Variants in KLF12 observed in about 807,000 individuals in gnomAD.
The protein encoded by KLF12 is KLF transcription factor 12, also known as Krueppel-like factor 12.
Under a neutral mutation model 37.8 loss-of-function variants are expected in KLF12, and 9 were observed. That is an observed-to-expected ratio of 0.24 (90% CI 0.14 to 0.42). KLF12 has a LOEUF of 0.42. Among genes scored for constraint, KLF12 ranks in the 10% least tolerant of loss-of-function variants. KLF12 has a pLI of 1.00. For missense variants in KLF12, 411 were observed against 516.0 expected, an observed-to-expected ratio of 0.80 and a Z score of 1.97; for synonymous variants, 208 against 202.1, an observed-to-expected ratio of 1.03 and a Z score of -0.25.
At chr13:73,726,838 A>G (rs1206343371) in intron 6 of KLF12, among the ~76,000 whole-genome samples, 1 of 152,252 alleles carries the variant, frequency 6.6e-6, no homozygotes, top group South Asian at 2.1e-4. Context: ...CGATAATTCT[A>G]TGCTTAGCAT....
At chr13:73,764,807 A>C (rs145298184) in intron 6 of KLF12, 131 bp downstream of exon 6, 79 of 560,302 alleles carry the variant, frequency 1.4e-4, no homozygotes, top group African/African-American at 1.1e-3. Flanking sequence ...GAGGAAAGGA[A>C]GACCGCATAG....
intron 7 of KLF12, among the ~76,000 whole-genome samples, chr13:73,699,796 A>G (rs1454048487): frequency 6.6e-6 from 1 of 152,208 alleles, no homozygotes; most frequent in African/African-American, 2.4e-5. Flanking sequence ...CAGGGAAAAC[A>G]GCACCTGGTA....
the KLF12 span, among the ~76,000 whole-genome samples, chr13:74,188,197 A>G: frequency 6.6e-6 from 1 of 152,196 alleles, no homozygotes; most frequent in African/African-American, 2.4e-5. Flanking sequence ...TGTACTATTA[A>G]GTATCCGAAT....
intron 3 of KLF12, among the ~76,000 whole-genome samples, chr13:73,905,975 C>T (rs1888268079): frequency 1.3e-5 from 2 of 152,064 alleles, no homozygotes; most frequent in African/African-American, 4.8e-5. Context: ...GATTTCTTTT[C>T]CTTAATATCA....
intron 3 of KLF12, among the ~76,000 whole-genome samples, chr13:73,917,556 T>C (rs916314379): frequency 4.6e-5 from 7 of 152,260 alleles, no homozygotes; most frequent in Admixed American, 1.3e-4. Flanking sequence ...CAAGTTGGAC[T>C]CTACCATTTA....
At chr13:74,045,942 T>C (rs1161054743) in intron 1 of KLF12, among the ~76,000 whole-genome samples, 2 of 152,238 alleles carry the variant, frequency 1.3e-5, no homozygotes, top group African/African-American at 4.8e-5. Flanking sequence ...CTTTCTGAAA[T>C]GTATGTATAG....
At chr13:73,836,084 C>T (rs1594149747) in intron 4 of KLF12, among the ~76,000 whole-genome samples, 2 of 151,328 alleles carry the variant, frequency 1.3e-5, no homozygotes, top group South Asian at 4.2e-4. Context: ...AAAACACATA[C>T]AATTGGCCAA....
intron 5 of KLF12, among the ~76,000 whole-genome samples, chr13:73,805,650 GAGGAAGGAAGGAAGGA>G (rs1164051826): frequency 0.033 from 1,216 of 36,922 alleles, 67 homozygotes; most frequent in Non-Finnish European, 0.038. Flanking sequence ...GGGAGGGAGG[GAGGAAGGAAGGAAGGA>G]AGGAAGGAAG....
intron 1 of KLF12, among the ~76,000 whole-genome samples, chr13:74,049,006 G>C (rs945821122): frequency 6.6e-6 from 1 of 152,156 alleles, no homozygotes; most frequent in African/African-American, 2.4e-5. Context: ...AGCTCCCTAC[G>C]ACCAGAAATG....
chr13:73,970,989 C>T (rs1388229938), intron 2 of KLF12, among the ~76,000 whole-genome samples: 2 of 152,050 alleles, frequency 1.3e-5, no homozygotes, highest in African/African-American at 4.8e-5. Flanking sequence ...TGAGAGAAGG[C>T]ATCTTTGAAA....
intron 3 of KLF12, among the ~76,000 whole-genome samples, chr13:73,909,746 T>C (rs1888482546): frequency 6.6e-6 from 1 of 152,196 alleles, no homozygotes; most frequent in African/African-American, 2.4e-5. Flanking sequence ...AAAATTTTTA[T>C]AGGCGCATTT....
intron 2 of KLF12, among the ~76,000 whole-genome samples, chr13:73,958,674 T>C (rs1570744): frequency 0.73 from 111,136 of 152,042 alleles, 41,336 homozygotes; most frequent in East Asian, 0.89. Flanking sequence ...CTGTTCTACA[T>C]TATCATGTCA....
chr13:74,252,720 A>G, the KLF12 span, among the ~76,000 whole-genome samples: 1 of 152,188 alleles, frequency 6.6e-6, no homozygotes, highest in African/African-American at 2.4e-5. Flanking sequence ...TGAAATAGAA[A>G]TATTTAAAGA....
intron 1 of KLF12, among the ~76,000 whole-genome samples, chr13:74,054,441 C>T (rs1287166366): frequency 6.6e-6 from 1 of 152,096 alleles, no homozygotes; most frequent in Non-Finnish European, 1.5e-5. Flanking sequence ...TATCAATTCC[C>T]TTGTAGAGGA....
At chr13:73,743,199 C>G (rs1269855569) in intron 6 of KLF12, among the ~76,000 whole-genome samples, 1 of 152,174 alleles carries the variant, frequency 6.6e-6, no homozygotes, top group Admixed American at 6.5e-5. Flanking sequence ...ACGGTAGATC[C>G]TCTTTCCTCA....
chr13:73,826,127 C>T (rs1415159532), intron 4 of KLF12, among the ~76,000 whole-genome samples: 1 of 152,094 alleles, frequency 6.6e-6, no homozygotes, highest in Non-Finnish European at 1.5e-5. Flanking sequence ...CGCCCGCCAC[C>T]ACGCCTGGCT....
At chr13:73,926,776 T>C (rs1350907075) in intron 3 of KLF12, among the ~76,000 whole-genome samples, 1 of 152,172 alleles carries the variant, frequency 6.6e-6, no homozygotes, top group Non-Finnish European at 1.5e-5. Context: ...TCTGCGTGAA[T>C]TACTCAAGTA....
chr13:74,082,137 G>A (rs1874934250), intron 1 of KLF12, among the ~76,000 whole-genome samples: 1 of 134,944 alleles, frequency 7.4e-6, no homozygotes, highest in Non-Finnish European at 1.5e-5. Flanking sequence ...AGACAAAACT[G>A]GGCAACATAG....
chr13:74,206,364 C>A, the KLF12 span, among the ~76,000 whole-genome samples: 1 of 152,156 alleles, frequency 6.6e-6, no homozygotes, highest in Non-Finnish European at 1.5e-5. Flanking sequence ...AGGTTATGGA[C>A]TTTTCAAATA....
Sources: gnomAD v4.1 joint callset for allele counts (sites outside exome capture counted in the v4.1 genomes callset) on GRCh38, gnomAD v4.1.1 for gene constraint, MANE v1.5 for transcripts, NCBI Gene and HGNC (gene_info 2026-07-23, HGNC 2026-07-21) for gene names.